BICD2: variants seen among roughly 807,000 people sequenced by gnomAD.
The protein encoded by BICD2 is protein bicaudal D homolog 2.
In BICD2, 25 loss-of-function variants were observed where a neutral mutation model predicts 72.9. That is an observed-to-expected ratio of 0.34 (90% CI 0.25 to 0.48). The LOEUF (loss-of-function observed/expected upper bound fraction) is 0.48. BICD2 is among the 20% of genes least tolerant of loss of function. The pLI is 0.99. For synonymous variants in BICD2, 501 were observed against 516.1 expected (o/e 0.97, Z 0.40); for missense variants, 894 against 1,175.2 (o/e 0.76, Z 3.50).
chr9:92,737,508 G>C (rs1225694944), intron 1 of BICD2, among the ~76,000 whole-genome samples: 2 of 152,144 alleles, frequency 1.3e-5, no homozygotes, highest in Non-Finnish European at 2.9e-5. Context: ...GCAGCGCGTG[G>C]GAGACTGGGT....
At position 92,720,783 on chromosome 9, in the gene BICD2, T is replaced by C; in HGVS notation, c.607-28A>G. 6.2e-7 allele frequency: 1 copy of C among 1,602,890 alleles called. No homozygotes were observed. The highest frequency in any genetic ancestry group is 1.7e-5 in the Admixed American group (1 of 58,986). On this transcript the variant is annotated intron_variant, in intron 3 of 6. Transcript: ENST00000356884. This position sits in a 1 kb window ranked among gnomAD's most constrained non-coding sequence, Gnocchi z 5.4. Reference sequence around the variant, plus strand: ...GGGAAGAGAAGTCAACGCTCTTGCATCAATGCAATGTGGAAGCTCCTTTCA... The same window carrying C: ...GGGAAGAGAAGTCAACGCTCTTGCACCAATGCAATGTGGAAGCTCCTTTCA...
chr9:92,717,164 C>G (rs995232966), intron 6 of BICD2, among the ~76,000 whole-genome samples: 1 of 152,244 alleles, frequency 6.6e-6, no homozygotes, highest in African/African-American at 2.4e-5. Context: ...AAGGCCAGGA[C>G]TCCTCTGTCA....
chr9:92,715,270 T>C lies in BICD2; in HGVS notation c.2452A>G (p.Lys818Glu), dbSNP rs200341779. ...TGACTTACGCTCGGTGTGGCTGGCTTGGTCTTCGGGGCGGCTTTGGCACGG... is the reference window on the plus strand; with the variant it reads ...TGACTTACGCTCGGTGTGGCTGGCTCGGTCTTCGGGGCGGCTTTGGCACGG... The part of the protein sequence containing the change: ...RGRAKAAPKT[K>E]PATPSVSHTC... Residue 818 changes from lysine (K) to glutamate (E), a missense_variant, in exon 7 of 7, where the codon AAG becomes GAG. Lys to Glu is a moderately conservative substitution (Grantham distance 56, BLOSUM62 1). Around this residue, in one of 5 missense-constraint regions of BICD2, gnomAD observed 321 missense variants for 443.9 expected, o/e 0.72. Coordinates refer to ENST00000356884, the MANE Select transcript of BICD2 (RefSeq NM_001003800.2). 5.1e-5 allele frequency: 83 copies of C among 1,612,904 alleles called. No individual in the cohort carries two copies. The highest frequency in any genetic ancestry group is 6.8e-5 in the Non-Finnish European group (80 of 1,179,866).
chr9:92,752,708 G>A (rs370137049), intron 1 of BICD2, among the ~76,000 whole-genome samples: 9 of 152,262 alleles, frequency 5.9e-5, no homozygotes, highest in South Asian at 2.1e-4. Context: ...AGTGAGTCAC[G>A]ATCACACCAC....
chr9:92,738,372 C>A (rs1853831032), intron 1 of BICD2, among the ~76,000 whole-genome samples: 4 of 152,214 alleles, frequency 2.6e-5, no homozygotes, highest in Admixed American at 2.0e-4. Context: ...CCCCCCAAGG[C>A]TAGGTGCTGG....
In BICD2 at chr9:92,718,640, T is replaced by C; in HGVS notation, c.2005A>G (p.Lys669Glu). Residue 669 changes from lysine (K) to glutamate (E), a missense_variant, in exon 5 of 7, where the codon AAG becomes GAG. By Grantham distance (56) the Lys-to-Glu change is moderately conservative. Around this residue, in one of 5 missense-constraint regions of BICD2, gnomAD observed 321 missense variants for 443.9 expected, o/e 0.72. Coordinates refer to ENST00000356884, the MANE Select transcript of BICD2 (RefSeq NM_001003800.2). ...QELGPAVDKD[K>E]EALMEEILKL... ...AGGATCTCCTCCATAAGCGCTTCCTTGTCCTTGTCCACGGCGGGGCCCAGC... is the reference window on the plus strand; with the variant it reads ...AGGATCTCCTCCATAAGCGCTTCCTCGTCCTTGTCCACGGCGGGGCCCAGC... The C allele has an allele frequency of 6.2e-7, 1 of 1,613,922 alleles. No individual in the cohort carries two copies. The highest frequency in any genetic ancestry group is 1.1e-5 in the South Asian group (1 of 91,080).
rs778565910 is a variant in BICD2 at position 92,719,178 on chromosome 9, C to T, written c.1467G>A (p.Glu489=). 23 of 1,610,776 alleles carry T rather than the reference C, an allele frequency of 1.4e-5. No homozygotes were observed. The highest frequency in any genetic ancestry group is 1.9e-5 in the Non-Finnish European group (23 of 1,179,992). Residue 489 remains glutamate, a synonymous_variant, in exon 5 of 7, where the codon GAG becomes GAA. Transcript: ENST00000356884. ...GCTCGCGGTCCTGGCGGCTGGCCTT[C>T]TCTAGCAGGGAGACCTTCTCCGTGA... ...QALTEKVSLL[E]KASRQDRELL...
intron 2 of BICD2, among the ~76,000 whole-genome samples, chr9:92,724,140 A>G (rs1300967637): frequency 6.6e-6 from 1 of 152,196 alleles, no homozygotes; most frequent in Non-Finnish European, 1.5e-5. Context: ...CCCCTGCTCC[A>G]AAGCCCTCTT....
At chr9:92,723,620 T>G (rs1482360499) in intron 2 of BICD2, among the ~76,000 whole-genome samples, 1 of 152,204 alleles carries the variant, frequency 6.6e-6, no homozygotes, top group Non-Finnish European at 1.5e-5. Context: ...GTTCTAAGAT[T>G]GTGGAATGGG....
chr9:92,744,077 C>T (rs1046147203), intron 1 of BICD2, among the ~76,000 whole-genome samples: 3 of 152,214 alleles, frequency 2.0e-5, no homozygotes, highest in African/African-American at 7.2e-5. Context: ...CTAGCCAGTC[C>T]ATCCAACAGA....
chr9:92,722,306 G>A (rs1249422990), intron 3 of BICD2, among the ~76,000 whole-genome samples: 1 of 152,186 alleles, frequency 6.6e-6, no homozygotes, highest in Non-Finnish European at 1.5e-5. Context: ...AGAGACACAG[G>A]AATATTGCAG....
rs967816177 is a variant in BICD2 at position 92,764,233 on chromosome 9, C to T, written c.240+272G>A. On this transcript the variant is annotated intron_variant, in intron 1 of 6. Transcript: ENST00000356884. This position sits in a 1 kb window ranked among gnomAD's most constrained non-coding sequence, Gnocchi z 5.5. Reference sequence around the variant, plus strand: ...CTTACGAAGCCCCGCCCCGCCGGGGCCGCCCAGGTCCGCACAGAAGCAGGC... The same window carrying T: ...CTTACGAAGCCCCGCCCCGCCGGGGTCGCCCAGGTCCGCACAGAAGCAGGC... Among the ~76,000 whole-genome samples, 11 of 151,918 alleles carry T rather than the reference C, an allele frequency of 7.2e-5. No individual in the cohort carries two copies. Among genetic ancestry groups the T allele is most frequent in the Non-Finnish European group, 1.2e-4 (8 of 67,938 alleles).
Position 92,720,063 on chromosome 9 carries a change from C to G in BICD2, c.1062+237G>C, listed in dbSNP as rs1484644057. ...TGGGCCAGTGTCTCATCACTTCACCCTGACACCACGTAGTTAACAGGGGAG... is the reference window on the plus strand; with the variant it reads ...TGGGCCAGTGTCTCATCACTTCACCGTGACACCACGTAGTTAACAGGGGAG... On this transcript the variant is annotated intron_variant, in intron 4 of 6. Transcript: ENST00000356884. This position sits in a 1 kb window ranked among gnomAD's most constrained non-coding sequence, Gnocchi z 5.4. Among the ~76,000 whole-genome samples, 4 of 152,232 alleles carry G rather than the reference C, an allele frequency of 2.6e-5. No homozygotes were observed. Among genetic ancestry groups the G allele is most frequent in the Non-Finnish European group, 4.4e-5 (3 of 68,032 alleles).
chr9:92,752,849 G>A (rs1854178531), intron 1 of BICD2, among the ~76,000 whole-genome samples: 3 of 152,166 alleles, frequency 2.0e-5, no homozygotes, highest in Admixed American at 6.5e-5. Flanking sequence ...CAGAAAAATC[G>A]CAAATAATTT....
intron 1 of BICD2, among the ~76,000 whole-genome samples, chr9:92,751,553 G>C (rs1854150035): frequency 6.6e-6 from 1 of 152,154 alleles, no homozygotes; most frequent in Non-Finnish European, 1.5e-5. Context: ...TGGGGACCCA[G>C]GTTAACAATT....
rs928501312 is a variant in BICD2 at position 92,759,389 on chromosome 9, G to C, written c.240+5116C>G. ...CTCCACTTTCTGCTGTTCTTAAAGTGAATGTATGATTTTTTAAAACACAGT... is the reference window on the plus strand; with the variant it reads ...CTCCACTTTCTGCTGTTCTTAAAGTCAATGTATGATTTTTTAAAACACAGT... On this transcript the variant is annotated intron_variant, in intron 1 of 6. Transcript: ENST00000356884. Among the ~76,000 whole-genome samples, 5 of 152,310 alleles carry C rather than the reference G, an allele frequency of 3.3e-5. No individual in the cohort carries two copies. In the South Asian group the frequency reaches 8.3e-4, roughly 25 times the overall value.
At chr9:92,715,949 T>C (rs1285695729) in intron 6 of BICD2, among the ~76,000 whole-genome samples, 3 of 152,204 alleles carry the variant, frequency 2.0e-5, no homozygotes, top group African/African-American at 7.2e-5. Context: ...TTCGTCAGTC[T>C]GTGCTGAGCA....
At chr9:92,752,614 C>A (rs1402617682) in intron 1 of BICD2, among the ~76,000 whole-genome samples, 3 of 151,932 alleles carry the variant, frequency 2.0e-5, no homozygotes, top group Admixed American at 6.6e-5. Context: ...CTAAAAAAAT[C>A]AAAAAATTAG....
chr9:92,750,203 C>T (rs1017737181), intron 1 of BICD2, among the ~76,000 whole-genome samples: 5 of 152,156 alleles, frequency 3.3e-5, no homozygotes, highest in Non-Finnish European at 5.9e-5. Flanking sequence ...TCAATGCTGG[C>T]GGAAATACAA....
Sources: gnomAD v4.1 joint callset for allele counts (sites outside exome capture counted in the v4.1 genomes callset) on GRCh38, gnomAD v4.1.1 for gene constraint, gnomAD v4.1.1 regional missense constraint, Gnocchi (gnomAD v3.1) non-coding constraint, MANE v1.5 for transcripts, NCBI Gene and HGNC (gene_info 2026-07-23, HGNC 2026-07-21) for gene names.